Variants in KLK3 observed in about 807,000 individuals in gnomAD.
The protein encoded by KLK3 is prostate-specific antigen.
A neutral mutation model predicts 27.7 loss-of-function variants in KLK3; 23 were observed. The observed-to-expected ratio is 0.83, with a 90% CI of 0.60 to 1.17. The LOEUF (loss-of-function observed/expected upper bound fraction) is 1.17. Among genes scored for constraint, KLK3 ranks in the 50% most tolerant of loss-of-function variants. The pLI is 0.00. For missense variants in KLK3, 322 were observed against 338.1 expected, an observed-to-expected ratio of 0.95 and a Z score of 0.37; for synonymous variants, 142 against 134.2, an observed-to-expected ratio of 1.06 and a Z score of -0.40.
intron 4 of KLK3, 43 bp from the exon 5 acceptor site, chr19:50,859,929 C>A: frequency 6.4e-7 from 1 of 1,570,538 alleles, no homozygotes; most frequent in Non-Finnish European, 8.7e-7. Flanking sequence ...CAGGCAGAAA[C>A]TGGGACTGAC....
At position 50,858,100 on chromosome 19, in the gene KLK3, G is replaced by A. The variant is rs923247750; in HGVS notation, c.278G>A (p.Ser93Asn). The change falls in exon 3 of 5, where the codon AGC (serine) becomes AAC (asparagine). Residue 93 changes from serine (S) to asparagine (N), a missense_variant. Coordinates refer to ENST00000326003, the MANE Select transcript of KLK3 (RefSeq NM_001648.2). The part of the protein sequence containing the change: ...PEDTGQVFQV[S>N]HSFPHPLYDM... Reference sequence around the variant, plus strand: ...GACACAGGCCAGGTATTTCAGGTCAGCCACAGCTTCCCACACCCGCTCTAC... The same window carrying A: ...GACACAGGCCAGGTATTTCAGGTCAACCACAGCTTCCCACACCCGCTCTAC... The A allele has an allele frequency of 6.2e-7, 1 of 1,614,036 alleles. No homozygotes were observed.
intron 2 of KLK3, 164 bp from the exon 3 acceptor site, chr19:50,857,865 T>C (rs757912341): frequency 2.8e-5 from 19 of 666,946 alleles, no homozygotes; most frequent in Non-Finnish European, 4.5e-5. Flanking sequence ...CACTGCTGTT[T>C]CCCAACTCGT....
Position 50,858,220 on chromosome 19 carries a change from C to G in KLK3, c.398C>G (p.Thr133Arg), listed in dbSNP as rs373661565. ...LLRLSEPAEL[T>R]DAVKVMDLPT... ...CGCCTGTCAGAGCCTGCCGAGCTCACGGATGCTGTGAAGGTCATGGACCTG... is the reference window on the plus strand; with the variant it reads ...CGCCTGTCAGAGCCTGCCGAGCTCAGGGATGCTGTGAAGGTCATGGACCTG... Residue 133 changes from threonine (T) to arginine (R), a missense_variant, in exon 3 of 5, where the codon ACG becomes AGG. Thr to Arg is a moderately conservative substitution (Grantham distance 71, BLOSUM62 -1). Transcript: ENST00000326003. The G allele has an allele frequency of 6.2e-7, 1 of 1,614,210 alleles. No individual in the cohort carries two copies. Among genetic ancestry groups the G allele is most frequent in the South Asian group, 1.1e-5 (1 of 91,086 alleles).
At chr19:50,857,993 C>T in intron 2 of KLK3, 36 bp from the exon 3 acceptor site, 4 of 1,572,834 alleles carry the variant, frequency 2.5e-6, no homozygotes, top group Admixed American at 1.7e-5. Context: ...TCCTTATCAT[C>T]CTCGCTCCTC....
rs1265313542 is a variant in KLK3 at position 50,860,210 on chromosome 19, G to A, written c.*83G>A. The A allele has an allele frequency of 9.1e-7, 1 of 1,100,570 alleles. No homozygotes were observed. Among genetic ancestry groups the A allele is most frequent in the Non-Finnish European group, 1.4e-6 (1 of 739,456 alleles). The allele number at this position is 1,100,570 out of a possible 1,614,324, so 68.2% of individuals were successfully genotyped here. A position where few individuals can be genotyped will look rare whatever the true frequency, so the allele number is the denominator to read the frequency against. On this transcript the variant is annotated 3_prime_UTR_variant, in exon 5 of 5. Transcript: ENST00000326003. ...AGACTCAAGCCTCCCCAGTTCTACT[G>A]ACCTTTGTCCTTAGGTGTGAGGTCC...
In KLK3 at chr19:50,857,183, A is replaced by AAAAAAG. The variant is rs1491335383; in HGVS notation, c.206+784_206+785insAAAAAG. ...GCCTCAAAAAAAAAAAAAAAAAAAAAGAAAAGAAAAGAAAAGAAAAGGAAG... is the reference window on the plus strand; with the variant it reads ...GCCTCAAAAAAAAAAAAAAAAAAAAAAAAAAGGAAAAGAAAAGAAAAGAAAAGGAAG... On this transcript the variant is annotated intron_variant, in intron 2 of 4. Coordinates refer to ENST00000326003, the MANE Select transcript of KLK3 (RefSeq NM_001648.2). Among the ~76,000 whole-genome samples the AAAAAAG allele has an allele frequency of 2.6e-3, 331 of 128,880 alleles. 4 individuals are homozygous for AAAAAAG. Among genetic ancestry groups the AAAAAAG allele is most frequent in the Non-Finnish European group, 4.6e-3 (266 of 58,200 alleles). The allele number at this position is 128,880 out of a possible 152,430, so 84.6% of individuals were successfully genotyped here. A position where few individuals can be genotyped will look rare whatever the true frequency, so the allele number is the denominator to read the frequency against.
chr19:50,860,099 T>A lies in KLK3; in HGVS notation c.758T>A (p.Ile253Asn). ...YTKVVHYRKW[I>N]KDTIVANP ...AAGGTGGTGCATTACCGGAAGTGGA[T>A]CAAGGACACCATCGTGGCCAACCCC... The change falls in exon 5 of 5, where the codon ATC becomes AAC. Residue 253 changes from isoleucine (I) to asparagine (N), a missense_variant. Coordinates refer to ENST00000326003, the MANE Select transcript of KLK3 (RefSeq NM_001648.2). 1 of 1,613,924 alleles carries A rather than the reference T, an allele frequency of 6.2e-7. No individual in the cohort carries two copies. Among genetic ancestry groups the A allele is most frequent in the Non-Finnish European group, 8.5e-7 (1 of 1,179,872 alleles).
intron 2 of KLK3, chr19:50,857,817 G>T: frequency 1.3e-5 from 7 of 548,306 alleles, no homozygotes; most frequent in Non-Finnish European, 1.6e-5. Flanking sequence ...TTTTCCCTTG[G>T]TTTCTCTCAG....
At chr19:50,859,663 C>T (rs2090172287) in intron 4 of KLK3, 2 of 1,604,122 alleles carry the variant, frequency 1.2e-6, no homozygotes, top group African/African-American at 1.3e-5. Flanking sequence ...GCCACGGGGA[C>T]AGCATCCTGC....
chr19:50,857,870 A>T, intron 2 of KLK3, 159 bp from the exon 3 acceptor site: 1 of 684,220 alleles, frequency 1.5e-6, no homozygotes, highest in Non-Finnish European at 2.4e-6. Context: ...CTGTTTCCCA[A>T]CTCGTTGTCT....
rs45552633 is a variant in KLK3 at position 50,860,061 on chromosome 19, T to C, written c.720T>C (p.Pro240=). 8 of 1,614,102 alleles carry C rather than the reference T, an allele frequency of 5.0e-6. No individual in the cohort carries two copies. The highest frequency in any genetic ancestry group is 6.8e-6 in the Non-Finnish European group (8 of 1,179,960). Residue 240 remains proline, a synonymous_variant, in exon 5 of 5, where the codon CCT becomes CCC. Transcript: ENST00000326003. ...GSEPCALPER[P]SLYTKVVHYR... is the part of the protein sequence containing the mutation. ...AACCATGTGCCCTGCCCGAAAGGCC[T>C]TCCCTGTACACCAAGGTGGTGCATT...
At chr19:50,859,440 A>G (rs2090170455) in intron 4 of KLK3, 3 of 1,026,624 alleles carry the variant, frequency 2.9e-6, no homozygotes, top group Admixed American at 1.8e-5. Context: ...GGCTCCAGGC[A>G]TTGTCCCCAC....
At chr19:50,859,661 G>A in intron 4 of KLK3, 1 of 1,605,708 alleles carries the variant, frequency 6.2e-7, no homozygotes, top group South Asian at 1.1e-5. Flanking sequence ...GAGCCACGGG[G>A]ACAGCATCCT....
chr19:50,860,202 G>T lies in KLK3; in HGVS notation c.*75G>T, dbSNP rs1218309210. The T allele has an allele frequency of 1.8e-5, 21 of 1,158,358 alleles. No homozygotes were observed. The highest frequency in any genetic ancestry group is 2.7e-5 in the Non-Finnish European group (21 of 789,508). The allele number at this position is 1,158,358 out of a possible 1,614,324, so 71.8% of individuals were successfully genotyped here. ...CCAGGCCAAGACTCAAGCCTCCCCAGTTCTACTGACCTTTGTCCTTAGGTG... is the reference window on the plus strand; with the variant it reads ...CCAGGCCAAGACTCAAGCCTCCCCATTTCTACTGACCTTTGTCCTTAGGTG... On this transcript the variant is annotated 3_prime_UTR_variant, in exon 5 of 5. Transcript: ENST00000326003.
rs568880974 is a variant in KLK3 at position 50,856,313 on chromosome 19, G to T, written c.120G>T (p.Val40=). Reference sequence around the variant, plus strand: ...AGAAGCATTCCCAACCCTGGCAGGTGCTTGTGGCCTCTCGTGGCAGGGCAG... The same window carrying T: ...AGAAGCATTCCCAACCCTGGCAGGTTCTTGTGGCCTCTCGTGGCAGGGCAG... ...ECEKHSQPWQ[V]LVASRGRAVC... is the part of the protein sequence containing the mutation. Residue 40 remains valine (V), a synonymous_variant, in exon 2 of 5, where the codon GTG becomes GTT. Transcript: ENST00000326003. 20 of 1,613,644 alleles carry T rather than the reference G, an allele frequency of 1.2e-5. No homozygotes were observed. Among genetic ancestry groups the T allele is most frequent in the Admixed American group, 5.0e-5 (3 of 60,024 alleles).
At chr19:50,859,048 C>T (rs11084034) in intron 4 of KLK3, 67,154 of 227,216 alleles carry the variant, frequency 0.3, 11,669 homozygotes, top group East Asian at 0.43. Flanking sequence ...CTGCAGAAGG[C>T]GGGAGTGAGC....
chr19:50,858,085 A>G lies in KLK3; in HGVS notation c.263A>G (p.Gln88Arg). The change falls in exon 3 of 5, where the codon CAG (glutamine) becomes CGG (arginine). Residue 88 changes from glutamine to arginine, a missense_variant. Coordinates refer to ENST00000326003, the MANE Select transcript of KLK3 (RefSeq NM_001648.2). ...CTGTTTCATCCTGAAGACACAGGCC[A>G]GGTATTTCAGGTCAGCCACAGCTTC... ...HSLFHPEDTG[Q>R]VFQVSHSFPH... 2 of 1,614,010 alleles carry G rather than the reference A, an allele frequency of 1.2e-6. No homozygotes were observed. Among genetic ancestry groups the G allele is most frequent in the East Asian group, 2.2e-5 (1 of 44,876 alleles).
rs1431619029 is a variant in KLK3 at position 50,858,242 on chromosome 19, C to T, written c.420C>T (p.Asp140=). ...TCACGGATGCTGTGAAGGTCATGGA[C>T]CTGCCCACCCAGGAGCCAGCACTGG... ...AELTDAVKVM[D]LPTQEPALGT... Residue 140 remains aspartate (D), a synonymous_variant, in exon 3 of 5, where the codon GAC becomes GAT. Coordinates refer to ENST00000326003, the MANE Select transcript of KLK3 (RefSeq NM_001648.2). 4.3e-6 allele frequency: 7 copies of T among 1,614,092 alleles called. No individual in the cohort carries two copies. Among genetic ancestry groups the T allele is most frequent in the Non-Finnish European group, 5.9e-6 (7 of 1,180,060 alleles).
chr19:50,855,976 G>A (rs1380642639), intron 1 of KLK3: 2 of 403,844 alleles, frequency 5.0e-6, no homozygotes, highest in Non-Finnish European at 8.9e-6. Flanking sequence ...GCTGTCTTGT[G>A]TCTCCTACCC....
Sources: gnomAD v4.1 joint callset for allele counts (sites outside exome capture counted in the v4.1 genomes callset) on GRCh38, gnomAD v4.1.1 for gene constraint, MANE v1.5 for transcripts, NCBI Gene and HGNC (gene_info 2026-07-23, HGNC 2026-07-21) for gene names.